RCAN1: variants seen among roughly 807,000 people sequenced by gnomAD.
RCAN1 encodes calcipressin-1.
RCAN1 carries 11 observed loss-of-function variants against 22.9 expected under a neutral mutation model. The observed-to-expected ratio is 0.48, with a 90% CI of 0.30 to 0.79. The LOEUF (loss-of-function observed/expected upper bound fraction) is 0.79. RCAN1 is among the 30% of genes least tolerant of loss of function. RCAN1 has a pLI of 0.06. For missense variants in RCAN1, 291 were observed against 337.8 expected, an observed-to-expected ratio of 0.86 and a Z score of 1.09; for synonymous variants, 136 against 142.3, an observed-to-expected ratio of 0.96 and a Z score of 0.32.
intron 1 of RCAN1, among the ~76,000 whole-genome samples, chr21:34,571,778 G>C (rs553821348): frequency 6.6e-6 from 1 of 152,098 alleles, no homozygotes; most frequent in Non-Finnish European, 1.5e-5. Context: ...GAACTCCTGG[G>C]CTCAAGCAAC....
At chr21:34,582,374 G>T (rs1239273544) in intron 1 of RCAN1, among the ~76,000 whole-genome samples, 1 of 152,116 alleles carries the variant, frequency 6.6e-6, no homozygotes, top group East Asian at 1.9e-4. Flanking sequence ...GATGGTCTGG[G>T]GTGGGGGGAA....
chr21:34,614,819 G>A lies in RCAN1; in HGVS notation c.193C>T (p.Pro65Ser), dbSNP rs1184808019. 3 of 1,487,958 alleles carry A rather than the reference G, an allele frequency of 2.0e-6. No homozygotes were observed. Among genetic ancestry groups the A allele is most frequent in the Middle Eastern group, 1.8e-4 (1 of 5,586 alleles). The allele number at this position is 1,487,958 out of a possible 1,614,324, so 92.2% of individuals were successfully genotyped here. A position where few individuals can be genotyped will look rare whatever the true frequency, so the allele number is the denominator to read the frequency against. The change falls in exon 1 of 4, where the codon CCC becomes TCC. Residue 65 changes from proline (P) to serine (S), a missense_variant. Pro to Ser is a moderately conservative substitution (Grantham distance 74). Transcript: ENST00000313806. This position sits in a 1 kb window ranked among gnomAD's most constrained non-coding sequence, Gnocchi z 6.0. ...EMEEVDLQDL[P>S]SATIACHLDP... ...AGGTGACAGGCGATGGTGGCGCTGG[G>A]CAGGTCCTGCAGGTCCACCTCCTCC...
At chr21:34,582,141 C>T (rs1258333184) in intron 1 of RCAN1, among the ~76,000 whole-genome samples, 2 of 152,164 alleles carry the variant, frequency 1.3e-5, no homozygotes, top group Non-Finnish European at 2.9e-5. Context: ...ACACCACGGA[C>T]TCACTTGAGC....
At chr21:34,602,382 C>T (rs1287459109) in intron 1 of RCAN1, among the ~76,000 whole-genome samples, 1 of 152,216 alleles carries the variant, frequency 6.6e-6, no homozygotes, top group Admixed American at 6.5e-5. Flanking sequence ...CCATTTCACC[C>T]TGTGTCTAGT....
chr21:34,563,760 A>ATAT (rs1387850317), intron 1 of RCAN1, among the ~76,000 whole-genome samples: 2 of 78,462 alleles, frequency 2.5e-5, no homozygotes, highest in African/African-American at 1.4e-4. Context: ...ATACCAAAAA[A>ATAT]AAAAAAAAAA....
At chr21:34,536,356 A>T (rs1025749585) in intron 1 of RCAN1, among the ~76,000 whole-genome samples, 1 of 152,220 alleles carries the variant, frequency 6.6e-6, no homozygotes, top group African/African-American at 2.4e-5. Flanking sequence ...ATTCTCAGCC[A>T]GGGGCACAGC....
intron 1 of RCAN1, 109 bp from the exon 2 acceptor site, chr21:34,523,819 G>C: frequency 1.1e-6 from 1 of 908,762 alleles, no homozygotes; most frequent in Non-Finnish European, 1.6e-6. Flanking sequence ...GTCTTGCTCT[G>C]TCACCCAGGC....
intron 1 of RCAN1, among the ~76,000 whole-genome samples, chr21:34,575,677 C>A (rs715157): frequency 0.36 from 54,841 of 151,866 alleles, 10,309 homozygotes; most frequent in East Asian, 0.44. Flanking sequence ...TGTGTGCCAC[C>A]GTGCCAGGTG....
intron 1 of RCAN1, among the ~76,000 whole-genome samples, chr21:34,565,373 C>T (rs1220169741): frequency 6.6e-6 from 1 of 152,220 alleles, no homozygotes; most frequent in Non-Finnish European, 1.5e-5. Context: ...AAAGACATCA[C>T]ATTCCTGCTG....
intron 1 of RCAN1, among the ~76,000 whole-genome samples, chr21:34,586,467 G>A (rs1298323866): frequency 1.3e-5 from 2 of 151,898 alleles, no homozygotes; most frequent in East Asian, 1.9e-4. Flanking sequence ...AATTATACTG[G>A]AAATCAGAAA....
At chr21:34,593,425 A>G (rs1025201964) in intron 1 of RCAN1, among the ~76,000 whole-genome samples, 1 of 152,212 alleles carries the variant, frequency 6.6e-6, no homozygotes, top group Non-Finnish European at 1.5e-5. Flanking sequence ...AAATCATTAC[A>G]TCTTTATGAA....
In RCAN1 at chr21:34,547,550, G is replaced by A. The variant is rs75037748; in HGVS notation, c.253-23840C>T. ...TGCAATGGTGCTATGGTTTGAATGT[G>A]TCCCCCAAAAGTTTATGTGTTAGAA... On this transcript the variant is annotated intron_variant, in intron 1 of 3. Coordinates refer to ENST00000313806, the MANE Select transcript of RCAN1 (RefSeq NM_004414.7). Among the ~76,000 whole-genome samples, 1,411 of 152,294 alleles carry A rather than the reference G, an allele frequency of 9.3e-3. 12 individuals carry two copies. The highest frequency in any genetic ancestry group is 0.014 in the Non-Finnish European group (967 of 68,020).
intron 1 of RCAN1, among the ~76,000 whole-genome samples, chr21:34,587,928 G>A (rs930760600): frequency 6.6e-6 from 1 of 152,128 alleles, no homozygotes; most frequent in African/African-American, 2.4e-5. Context: ...AGGCCTTAAC[G>A]GAACAAAAAG....
chr21:34,537,077 G>A (rs117269755), intron 1 of RCAN1, among the ~76,000 whole-genome samples: 327 of 152,322 alleles, frequency 2.1e-3, no homozygotes, highest in Non-Finnish European at 3.7e-3. Context: ...CAAGTCACAC[G>A]AGGAAGCATG....
intron 1 of RCAN1, among the ~76,000 whole-genome samples, chr21:34,550,028 G>A (rs920985048): frequency 1.3e-5 from 2 of 152,176 alleles, no homozygotes; most frequent in Non-Finnish European, 2.9e-5. Context: ...AAGAATGGAA[G>A]CACTGCCAAG....
chr21:34,587,416 G>A (rs77357974), intron 1 of RCAN1, among the ~76,000 whole-genome samples: 2,234 of 152,092 alleles, frequency 0.015, 52 homozygotes, highest in East Asian at 0.092. Context: ...AAAAGGAGGG[G>A]CCCTTTCTAC....
chr21:34,532,282 T>G (rs115203268), intron 1 of RCAN1, among the ~76,000 whole-genome samples: 43 of 152,166 alleles, frequency 2.8e-4, no homozygotes, highest in African/African-American at 1.0e-3. Flanking sequence ...AAAACTGGGT[T>G]TTATAAGGAA....
chr21:34,527,854 TAAAA>T (rs3831799), intron 1 of RCAN1, among the ~76,000 whole-genome samples: 41 of 124,602 alleles, frequency 3.3e-4, no homozygotes, highest in East Asian at 9.5e-4. Context: ...AAACTAAATG[TAAAA>T]AAAAAAAAAA....
intron 1 of RCAN1, among the ~76,000 whole-genome samples, chr21:34,548,904 A>G (rs1047086368): frequency 2.0e-5 from 3 of 152,188 alleles, no homozygotes; most frequent in African/African-American, 7.2e-5. Context: ...AAAAATGCCT[A>G]CTTTTCCTCT....
Sources: gnomAD v4.1 joint callset for allele counts (sites outside exome capture counted in the v4.1 genomes callset) on GRCh38, gnomAD v4.1.1 for gene constraint, Gnocchi (gnomAD v3.1) non-coding constraint, MANE v1.5 for transcripts, NCBI Gene and HGNC (gene_info 2026-07-23, HGNC 2026-07-21) for gene names.